Variants in SYNC observed in about 807,000 individuals in gnomAD.
The protein encoded by SYNC is syncoilin, intermediate filament protein, also known as syncoilin.
A neutral mutation model predicts 49.5 loss-of-function variants in SYNC; 38 were observed. The ratio of observed to expected loss-of-function variants is 0.77; its 90% CI spans 0.59 to 1.01. The LOEUF (loss-of-function observed/expected upper bound fraction) is 1.01, where lower values mean the gene tolerates loss of function less well. Ranked by LOEUF, SYNC falls within the 50% of genes least tolerant of loss-of-function variation. SYNC has a pLI of 0.00. For missense variants in SYNC, 579 were observed against 580.6 expected, an observed-to-expected ratio of 1.00 and a Z score of 0.03; for synonymous variants, 201 against 230.8, an observed-to-expected ratio of 0.87 and a Z score of 1.17.
At chr1:32,688,440 G>A (rs1260125376) in intron 2 of SYNC, among the ~76,000 whole-genome samples, 4 of 152,126 alleles carry the variant, frequency 2.6e-5, no homozygotes, top group South Asian at 4.1e-4. Flanking sequence ...CATCAGGACA[G>A]TGCCTTATCA....
chr1:32,684,749 T>C, intron 2 of SYNC: 1 of 168,400 alleles, frequency 5.9e-6, no homozygotes, highest in South Asian at 1.6e-4. Flanking sequence ...TTTGTTAAGA[T>C]AATTGGTAGT....
Position 32,684,576 on chromosome 1 carries a change from AATG to A in SYNC, c.1234-197_1234-195del, listed in dbSNP as rs1649687799. 6.6e-6 allele frequency: 5 copies of A among 755,400 alleles called. No individual in the cohort carries two copies. The South Asian group carries it at 9.7e-5, about 15-fold the overall frequency. The allele number at this position is 755,400 out of a possible 1,614,324, so 46.8% of individuals were successfully genotyped here. ...GAAAAAAAGTGACAATGCTTTTGAAAATGATGACGAAAAAGGCATCTTGTCTGT... is the reference window on the plus strand; with the variant it reads ...GAAAAAAAGTGACAATGCTTTTGAAAATGACGAAAAAGGCATCTTGTCTGT... On this transcript the variant is annotated intron_variant, in intron 2 of 4. Transcript: ENST00000409190.
intron 1 of SYNC, among the ~76,000 whole-genome samples, chr1:32,698,396 G>A (rs1208886193): frequency 6.6e-6 from 1 of 152,090 alleles, no homozygotes; most frequent in Non-Finnish European, 1.5e-5. Context: ...GCGGGCACCT[G>A]TAGTCCCAGC....
chr1:32,687,833 A>AATTATTATTATT (rs148661520), intron 2 of SYNC, among the ~76,000 whole-genome samples: 851 of 38,214 alleles, frequency 0.022, 11 homozygotes, highest in African/African-American at 0.031. Context: ...CTGCCCAGTG[A>AATTATTATTATT]ATTATTATTA....
In SYNC at chr1:32,695,055, A is replaced by G. The variant is rs767573497; in HGVS notation, c.1043T>C (p.Leu348Pro). ...DLEEEYEPQF[L>P]RLLERKEAGT... is the part of the protein sequence containing the mutation. ...AGCTTCTTTCCTCTCTAGGAGCCGCAGGAACTGAGGCTCATACTCCTCCTC... is the reference window on the plus strand; with the variant it reads ...AGCTTCTTTCCTCTCTAGGAGCCGCGGGAACTGAGGCTCATACTCCTCCTC... Residue 348 changes from leucine (L) to proline (P), a missense_variant, in exon 2 of 5, where the codon CTG (leucine) becomes CCG (proline). Leu to Pro is a moderately conservative substitution (Grantham distance 98). Transcript: ENST00000409190. 121 of 1,613,450 alleles carry G rather than the reference A, an allele frequency of 7.5e-5. No individual in the cohort carries two copies. Among genetic ancestry groups the G allele is most frequent in the Non-Finnish European group, 1.0e-4 (119 of 1,179,962 alleles).
chr1:32,700,852 G>T (rs1010972623), intron 1 of SYNC, among the ~76,000 whole-genome samples: 2 of 152,138 alleles, frequency 1.3e-5, no homozygotes, highest in Non-Finnish European at 2.9e-5. Context: ...TCCTAGGATA[G>T]GCGTGAGGTC....
intron 2 of SYNC, among the ~76,000 whole-genome samples, chr1:32,688,536 A>G (rs1209825018): frequency 6.6e-6 from 1 of 152,226 alleles, no homozygotes; most frequent in Non-Finnish European, 1.5e-5. Context: ...ATCAGGATGC[A>G]TGTTAAAATC....
At chr1:32,702,794 C>A (rs1460076753), upstream of SYNC, 1 of 770,074 alleles carries the variant, frequency 1.3e-6, no homozygotes, top group South Asian at 6.0e-5. The surrounding 1 kb of genome is among the most constrained non-coding windows in gnomAD (Gnocchi z 6.2). Context: ...CCGGGCGCGC[C>A]CACTTGGCCG....
chr1:32,701,859 G>C (rs936575186), intron 1 of SYNC, among the ~76,000 whole-genome samples: 5 of 152,202 alleles, frequency 3.3e-5, no homozygotes, highest in African/African-American at 1.2e-4. Context: ...GCAAGAGTCC[G>C]TGTGTCTGAC....
chr1:32,696,252 T>C (rs186118601), intron 1 of SYNC, among the ~76,000 whole-genome samples: 1 of 151,834 alleles, frequency 6.6e-6, no homozygotes, highest in Non-Finnish European at 1.5e-5. Flanking sequence ...CACCATATGG[T>C]CTCTGCTTAT....
At chr1:32,696,895 G>A (rs556468934) in intron 1 of SYNC, among the ~76,000 whole-genome samples, 1 of 151,168 alleles carries the variant, frequency 6.6e-6, no homozygotes, top group Non-Finnish European at 1.5e-5. Context: ...CTACAGACAC[G>A]TGCCATCACA....
chr1:32,693,533 GTGTT>G (rs546210086), intron 2 of SYNC, among the ~76,000 whole-genome samples: 352 of 152,330 alleles, frequency 2.3e-3, no homozygotes, highest in African/African-American at 8.2e-3. Flanking sequence ...AAAGGAATCA[GTGTT>G]TCAAAAGATT....
At chr1:32,690,934 A>G (rs113218310) in intron 2 of SYNC, among the ~76,000 whole-genome samples, 10,952 of 150,784 alleles carry the variant, frequency 0.073, 1,317 homozygotes, top group African/African-American at 0.25. Flanking sequence ...TATACAAACA[A>G]TTGGCCGGGC....
At chr1:32,697,669 C>T (rs1314236311) in intron 1 of SYNC, among the ~76,000 whole-genome samples, 1 of 148,824 alleles carries the variant, frequency 6.7e-6, no homozygotes, top group African/African-American at 2.5e-5. Flanking sequence ...CCTGGGAGGT[C>T]GAGGCTGTGC....
In SYNC at chr1:32,681,095, A is replaced by C. The variant is rs1649404839; in HGVS notation, c.*755T>G. On this transcript the variant is annotated 3_prime_UTR_variant, in exon 5 of 5. Transcript: ENST00000409190. Reference sequence around the variant, plus strand: ...AAGGCCTCTATCACCAGATGCAATAACCAGATAAAATTCCTGTTTTTTCCC... The same window carrying C: ...AAGGCCTCTATCACCAGATGCAATACCCAGATAAAATTCCTGTTTTTTCCC... 3.3e-5 allele frequency: 5 copies of C among 152,754 alleles called. No homozygotes were observed. Among genetic ancestry groups the C allele is most frequent in the Admixed American group, 2.6e-4 (4 of 15,278 alleles). The allele number at this position is 152,754 out of a possible 1,614,324, so 9.5% of individuals were successfully genotyped here. A position where few individuals can be genotyped will look rare whatever the true frequency, so the allele number is the denominator to read the frequency against.
chr1:32,693,972 C>G (rs1650285623), intron 2 of SYNC, among the ~76,000 whole-genome samples: 1 of 152,202 alleles, frequency 6.6e-6, no homozygotes, highest in African/African-American at 2.4e-5. Context: ...TGCGGTGGCT[C>G]ACACCTATAA....
At chr1:32,686,883 G>C (rs976408092) in intron 2 of SYNC, among the ~76,000 whole-genome samples, 4 of 152,180 alleles carry the variant, frequency 2.6e-5, no homozygotes, top group African/African-American at 9.7e-5. Flanking sequence ...CTTTTTAGTG[G>C]TTCTCAAACT....
At chr1:32,681,914 T>C in intron 4 of SYNC, 54 bp from the exon 5 acceptor site, 1 of 1,494,306 alleles carries the variant, frequency 6.7e-7, no homozygotes, top group Non-Finnish European at 9.3e-7. Flanking sequence ...GTTTAGTTAC[T>C]GCAGGCTTTG....
intron 2 of SYNC, among the ~76,000 whole-genome samples, chr1:32,693,959 G>A (rs192679473): frequency 1.6e-4 from 24 of 152,258 alleles, no homozygotes; most frequent in Admixed American, 6.5e-4. Flanking sequence ...AAAATTGGCC[G>A]GCTGCGGTGG....
Sources: allele counts gnomAD v4.1 joint callset (sites outside exome capture counted in the v4.1 genomes callset), GRCh38; gene constraint gnomAD v4.1.1; non-coding constraint Gnocchi (gnomAD v3.1); transcripts MANE v1.5; gene names NCBI Gene and HGNC (gene_info 2026-07-23, HGNC 2026-07-21).